Variants in PCDHA4 observed in about 807,000 individuals in gnomAD.
PCDHA4 encodes protocadherin alpha-4.
A neutral mutation model predicts 61.4 loss-of-function variants in PCDHA4; 49 were observed. The observed-to-expected ratio is 0.80, with a 90% CI of 0.63 to 1.01. The LOEUF (loss-of-function observed/expected upper bound fraction) is 1.01, where lower values mean the gene tolerates loss of function less well. Ranked by LOEUF, PCDHA4 falls within the 50% of genes least tolerant of loss-of-function variation. The probability of loss-of-function intolerance (pLI) is 0.00; values close to 1 mark genes in which losing one functional copy is unlikely to be tolerated. For synonymous variants in PCDHA4, 590 were observed against 550.3 expected, an observed-to-expected ratio of 1.07 and a Z score of -1.01; for missense variants, 1,254 against 1,235.8, an observed-to-expected ratio of 1.01 and a Z score of -0.22.
At chr5:140,958,295 C>T (rs1405336220) in intron 1 of PCDHA4, among the ~76,000 whole-genome samples, 1 of 151,884 alleles carries the variant, frequency 6.6e-6, no homozygotes, top group Admixed American at 6.6e-5. Context: ...TATTATTGAA[C>T]TTAATTAAAA....
chr5:140,851,102 G>A, intron 1 of PCDHA4: 1 of 1,288,626 alleles, frequency 7.8e-7, no homozygotes, highest in Non-Finnish European at 1.0e-6. Flanking sequence ...ATATTTTTTG[G>A]GTGCTGAATC....
rs782395968 is a variant in PCDHA4, at chr5:141,011,916, A to G, written c.*1979A>G. ...TATTATCTATTTAGGCATTAATATA[A>G]AAGAGGTAGGAGTCTGTTATTTAAA... On this transcript the variant is annotated 3_prime_UTR_variant, in exon 4 of 4. Coordinates refer to ENST00000530339, the MANE Select transcript of PCDHA4 (RefSeq NM_018907.4). 4 of 153,828 alleles carry G rather than the reference A, an allele frequency of 2.6e-5. No individual in the cohort carries two copies. The highest frequency in any genetic ancestry group is 4.4e-5 in the Non-Finnish European group (3 of 68,030). 9.5% of individuals were successfully genotyped at this position (153,828 alleles called of 1,614,324 possible). A position where few individuals can be genotyped will look rare whatever the true frequency, so the allele number is the denominator to read the frequency against.
At chr5:140,968,467 A>T in intron 1 of PCDHA4, 1 of 1,614,124 alleles carries the variant, frequency 6.2e-7, no homozygotes, top group East Asian at 2.2e-5. Flanking sequence ...CTGCCAACGT[A>T]TATGTGGTGG....
intron 1 of PCDHA4, chr5:140,869,142 A>G: frequency 6.2e-7 from 1 of 1,613,402 alleles, no homozygotes; most frequent in Non-Finnish European, 8.5e-7. Context: ...GCACCCCACG[A>G]CTACAGCTCT....
intron 1 of PCDHA4, chr5:140,869,913 C>G: frequency 6.2e-7 from 1 of 1,610,754 alleles, no homozygotes; most frequent in Non-Finnish European, 8.5e-7. Flanking sequence ...CAGACCGAGA[C>G]GAAGGAGTCA....
intron 1 of PCDHA4, chr5:140,843,126 G>T (rs1554139770): frequency 3.8e-6 from 6 of 1,595,828 alleles, no homozygotes; most frequent in Non-Finnish European, 5.1e-6. Flanking sequence ...GCCGACTCGG[G>T]CTACAACGCG....
chr5:140,828,981 G>C (rs2150161571), intron 1 of PCDHA4: 1 of 1,614,120 alleles, frequency 6.2e-7, no homozygotes, highest in Admixed American at 1.7e-5. Flanking sequence ...AGCATAGATC[G>C]AAATACGGGA....
At chr5:140,920,662 G>A (rs2079759376) in intron 1 of PCDHA4, among the ~76,000 whole-genome samples, 1 of 152,044 alleles carries the variant, frequency 6.6e-6, no homozygotes, top group Admixed American at 6.6e-5. Context: ...TTGCCAACAT[G>A]GTGAAACCCC....
At chr5:140,890,066 C>G (rs1217511895) in intron 1 of PCDHA4, among the ~76,000 whole-genome samples, 1 of 152,148 alleles carries the variant, frequency 6.6e-6, no homozygotes, top group Non-Finnish European at 1.5e-5. Context: ...CTTTTACTGG[C>G]TTATGAGAAC....
chr5:140,929,589 G>T lies in PCDHA4; in HGVS notation c.2386-49360G>T, dbSNP rs183312863. 667 of 427,178 alleles carry T rather than the reference G, an allele frequency of 1.6e-3. 2 individuals are homozygous for T. The highest frequency in any genetic ancestry group is 3.3e-3 in the Admixed American group (76 of 23,230). The allele number at this position is 427,178 out of a possible 1,614,324, so 26.5% of individuals were successfully genotyped here. A position where few individuals can be genotyped will look rare whatever the true frequency, so the allele number is the denominator to read the frequency against. On this transcript the variant is annotated intron_variant, in intron 1 of 3. Coordinates refer to ENST00000530339, the MANE Select transcript of PCDHA4 (RefSeq NM_018907.4). ...AACAATAAAAGTAATATGACATAAA[G>T]GTCTAAAATTAAAAATAAAATACCA...
intron 1 of PCDHA4, among the ~76,000 whole-genome samples, chr5:140,924,841 G>C (rs891279703): frequency 1.1e-4 from 17 of 151,378 alleles, no homozygotes; most frequent in South Asian, 2.1e-4. Context: ...GTTGCAGGGA[G>C]CTCAGATCGT....
chr5:140,828,913 T>A, intron 1 of PCDHA4: 1 of 1,614,238 alleles, frequency 6.2e-7, no homozygotes, highest in East Asian at 2.2e-5. Context: ...AAGGAGCGAA[T>A]GGGGCAATTT....
At chr5:140,889,745 T>G (rs1295441616) in intron 1 of PCDHA4, among the ~76,000 whole-genome samples, 2 of 152,202 alleles carry the variant, frequency 1.3e-5, no homozygotes, top group Non-Finnish European at 2.9e-5. Flanking sequence ...CAGAGTCTAA[T>G]TTTTCTTTCC....
chr5:140,970,270 T>C (rs2096394574), intron 1 of PCDHA4, among the ~76,000 whole-genome samples: 1 of 152,234 alleles, frequency 6.6e-6, no homozygotes, highest in Non-Finnish European at 1.5e-5. Context: ...TTTGATGAGA[T>C]GTAAAGTAGC....
chr5:140,842,686 C>T lies in PCDHA4; in HGVS notation c.2385+33114C>T, dbSNP rs2150342048. Reference sequence around the variant, plus strand: ...ACGTGAACGACAATGCTCCGGCGTTCGCGCAGCCCGAGTACACGGTGTTCG... The same window carrying T: ...ACGTGAACGACAATGCTCCGGCGTTTGCGCAGCCCGAGTACACGGTGTTCG... On this transcript the variant is annotated intron_variant, in intron 1 of 3. Transcript: ENST00000530339. 1.9e-6 allele frequency: 3 copies of T among 1,595,316 alleles called. 1 individual carries two copies. The South Asian group carries it at 3.3e-5, about 18-fold the overall frequency.
intron 1 of PCDHA4, chr5:140,827,874 A>G: frequency 1.6e-6 from 1 of 638,432 alleles, no homozygotes; most frequent in Non-Finnish European, 2.7e-6. Flanking sequence ...TAGCACTGTT[A>G]CGTGAATTGA....
intron 1 of PCDHA4, among the ~76,000 whole-genome samples, chr5:140,973,010 T>C (rs2096567986): frequency 6.6e-6 from 1 of 152,080 alleles, no homozygotes; most frequent in Admixed American, 6.6e-5. Context: ...GGTCGTGGTG[T>C]TGTGATTGTT....
At chr5:140,911,591 A>G (rs2075552073) in intron 1 of PCDHA4, among the ~76,000 whole-genome samples, 2 of 152,222 alleles carry the variant, frequency 1.3e-5, no homozygotes, top group Non-Finnish European at 1.5e-5. Context: ...AGGAGGAACC[A>G]ACCAACTTCA....
At chr5:140,976,929 A>G (rs1289479026) in intron 1 of PCDHA4, among the ~76,000 whole-genome samples, 2 of 152,234 alleles carry the variant, frequency 1.3e-5, no homozygotes, top group South Asian at 2.1e-4. Flanking sequence ...AGTACTGTGT[A>G]GCTACTTAAA....
Sources: gnomAD v4.1 joint callset for allele counts (sites outside exome capture counted in the v4.1 genomes callset) on GRCh38, gnomAD v4.1.1 for gene constraint, MANE v1.5 for transcripts, NCBI Gene and HGNC (gene_info 2026-07-23, HGNC 2026-07-21) for gene names.